The following ARID3A variants were observed in gnomAD, a reference collection of about 807,000 sequenced individuals.
ARID3A encodes AT-rich interaction domain 3A, also known as AT-rich interactive domain-containing protein 3A.
A neutral mutation model predicts 52.7 loss-of-function variants in ARID3A; 11 were observed. The ratio of observed to expected loss-of-function variants is 0.21; its 90% CI spans 0.13 to 0.35. The LOEUF is 0.35. ARID3A is among the 10% of genes least tolerant of loss of function. ARID3A has a pLI of 1.00. For missense variants in ARID3A, 721 were observed against 838.5 expected, an observed-to-expected ratio of 0.86 and a Z score of 1.73; for synonymous variants, 404 against 359.4, an observed-to-expected ratio of 1.12 and a Z score of -1.40.
chr19:929,564 G>A lies in ARID3A; in HGVS notation c.36G>A (p.Gln12=). 1 of 1,522,868 alleles carries A rather than the reference G, an allele frequency of 6.6e-7. No homozygotes were observed. The highest frequency in any genetic ancestry group is 8.8e-7 in the Non-Finnish European group (1 of 1,141,574). The allele number at this position is 1,522,868 out of a possible 1,614,324, so 94.3% of individuals were successfully genotyped here. A position where few individuals can be genotyped will look rare whatever the true frequency, so the allele number is the denominator to read the frequency against. The change falls in exon 2 of 9, where the codon CAG becomes CAA. Residue 12 remains glutamine, a synonymous_variant. Transcript: ENST00000263620. The surrounding 1 kb of genome is among the most constrained non-coding windows in gnomAD (Gnocchi z 6.2). ...KLQAVMETLL[Q]RQQRARQELE... ...AGGCCGTGATGGAGACGCTGTTGCA[G>A]CGGCAGCAGCGGGCGCGCCAGGAGC...
intron 3 of ARID3A, among the ~76,000 whole-genome samples, chr19:943,581 A>G: frequency 6.6e-6 from 1 of 152,080 alleles, no homozygotes; most frequent in East Asian, 1.9e-4. Flanking sequence ...AAAAAAAAGA[A>G]AAGAAAAAAG....
At chr19:958,676 G>A (rs930332576) in intron 3 of ARID3A, among the ~76,000 whole-genome samples, 16 of 151,988 alleles carry the variant, frequency 1.1e-4, no homozygotes, top group Non-Finnish European at 1.8e-4. Context: ...GGCGGATCAC[G>A]AGGTCAGGAG....
intron 3 of ARID3A, among the ~76,000 whole-genome samples, chr19:948,994 G>A (rs2037746199): frequency 6.6e-6 from 1 of 152,070 alleles, no homozygotes; most frequent in African/African-American, 2.4e-5. Flanking sequence ...TGGGATTACA[G>A]GCATGAGCCA....
At chr19:927,875 C>T (rs1033487392) in intron 1 of ARID3A, among the ~76,000 whole-genome samples, 11 of 152,040 alleles carry the variant, frequency 7.2e-5, no homozygotes, top group African/African-American at 2.7e-4. Context: ...TCCTCGCTTT[C>T]TCCCAGGGGC....
chr19:967,657 A>G (rs1030581709), intron 7 of ARID3A, among the ~76,000 whole-genome samples: 2 of 152,192 alleles, frequency 1.3e-5, no homozygotes, highest in Non-Finnish European at 2.9e-5. Flanking sequence ...GACAGCATGA[A>G]TGTGACAGAC....
At chr19:951,499 T>G (rs1276508092) in intron 3 of ARID3A, among the ~76,000 whole-genome samples, 2 of 151,936 alleles carry the variant, frequency 1.3e-5, no homozygotes, top group African/African-American at 4.8e-5. Flanking sequence ...TGCAGTGAGC[T>G]ATGACTGCAT....
intron 3 of ARID3A, among the ~76,000 whole-genome samples, chr19:948,847 C>T (rs35103624): frequency 0.26 from 39,891 of 151,500 alleles, 6,304 homozygotes; most frequent in East Asian, 0.49. Context: ...GTAGCTGGGA[C>T]TACAGGCGTG....
chr19:973,384 G>A lies in ARID3A; in HGVS notation c.*1319G>A, dbSNP rs1454675383. The A allele has an allele frequency of 5.4e-6, 1 of 186,026 alleles. No individual in the cohort carries two copies. Among genetic ancestry groups the A allele is most frequent in the Non-Finnish European group, 1.1e-5 (1 of 88,044 alleles). 11.5% of individuals were successfully genotyped at this position (186,026 alleles called of 1,614,324 possible). On this transcript the variant is annotated 3_prime_UTR_variant, in exon 9 of 9. Transcript: ENST00000263620. ...CCGCCTTGGCCTCCCAAAGTGCTGG[G>A]ATTACAGGCATGAGCCGCCACGCTG... is the stretch of plus-strand genomic sequence containing the variant.
At chr19:926,197 G>A (rs1386331838) in intron 1 of ARID3A, 138 bp downstream of exon 1, 4 of 151,096 alleles carry the variant, frequency 2.6e-5, no homozygotes, top group Admixed American at 1.3e-4. Flanking sequence ...CGCCCTGCGC[G>A]GTAAGGCTGG....
At chr19:930,001 T>G in intron 2 of ARID3A, 105 bp downstream of exon 2, 7 of 1,442,570 alleles carry the variant, frequency 4.9e-6, no homozygotes, top group Non-Finnish European at 6.5e-6. Context: ...CGGGATCTCC[T>G]TCCTGTAATT....
At chr19:927,600 G>A (rs1202142198) in intron 1 of ARID3A, among the ~76,000 whole-genome samples, 2 of 149,994 alleles carry the variant, frequency 1.3e-5, no homozygotes, top group Non-Finnish European at 3.0e-5. Flanking sequence ...CGTGGGGGGG[G>A]CCTTGTCTTG....
Position 954,886 on chromosome 19 carries a change from C to T in ARID3A, c.694-5206C>T, listed in dbSNP as rs534804587. Among the ~76,000 whole-genome samples, 6 of 152,282 alleles carry T rather than the reference C, an allele frequency of 3.9e-5. No homozygotes were observed. In the East Asian group the frequency reaches 7.7e-4, roughly 20 times the overall value. On this transcript the variant is annotated intron_variant, in intron 3 of 8. Coordinates refer to ENST00000263620, the MANE Select transcript of ARID3A (RefSeq NM_005224.3). Reference sequence around the variant, plus strand: ...TCAGAACTTCACACCCGACCCCTCCCGTGATCAGAGCAGGCCCCAGGGAGG... The same window carrying T: ...TCAGAACTTCACACCCGACCCCTCCTGTGATCAGAGCAGGCCCCAGGGAGG...
At chr19:955,736 G>A (rs1421123410) in intron 3 of ARID3A, among the ~76,000 whole-genome samples, 7 of 152,190 alleles carry the variant, frequency 4.6e-5, no homozygotes, top group Admixed American at 2.6e-4. Context: ...GGTAGACCCC[G>A]TAATACCGGG....
intron 3 of ARID3A, among the ~76,000 whole-genome samples, chr19:934,521 C>T (rs2037399838): frequency 6.6e-6 from 1 of 152,174 alleles, no homozygotes; most frequent in Admixed American, 6.5e-5. Flanking sequence ...GAAACTGAGG[C>T]CAGTGCAGGG....
Position 944,939 on chromosome 19 carries a change from C to T in ARID3A, c.693+12197C>T, listed in dbSNP as rs2037645532. 6.6e-6 allele frequency among the ~76,000 whole-genome samples: 1 copy of T among 152,172 alleles called. No individual in the cohort carries two copies. The highest frequency in any genetic ancestry group is 1.5e-5 in the Non-Finnish European group (1 of 68,028). On this transcript the variant is annotated intron_variant, in intron 3 of 8. Transcript: ENST00000263620. This position sits in a 1 kb window ranked among gnomAD's most constrained non-coding sequence, Gnocchi z 5.9. ...TCCTCTCCCCTCTCCCTGTCTCTGCCACCCGCCCCGTCCCTTCCACCACGT... is the reference window on the plus strand; with the variant it reads ...TCCTCTCCCCTCTCCCTGTCTCTGCTACCCGCCCCGTCCCTTCCACCACGT...
At chr19:965,278 C>A in intron 6 of ARID3A, 198 bp downstream of exon 6, 1 of 626,284 alleles carries the variant, frequency 1.6e-6, no homozygotes, top group Non-Finnish European at 2.6e-6. Flanking sequence ...TAATTCCACA[C>A]AGGTGGCAGG....
At position 974,363 on chromosome 19, in the gene ARID3A, G is replaced by T; in HGVS notation, c.*2298G>T. The T allele has an allele frequency of 4.4e-6, 1 of 229,366 alleles. No individual in the cohort carries two copies. Among genetic ancestry groups the T allele is most frequent in the East Asian group, 6.2e-5 (1 of 16,206 alleles). The allele number at this position is 229,366 out of a possible 1,614,324, so 14.2% of individuals were successfully genotyped here. On this transcript the variant is annotated 3_prime_UTR_variant, in exon 9 of 9. Coordinates refer to ENST00000263620, the MANE Select transcript of ARID3A (RefSeq NM_005224.3). ...AGCACCGTAGCAGCACAATCACCCC[G>T]GGAAGGGGGTGTCTGTTTGCCTCCA...
chr19:939,915 A>AC (rs1228219066), intron 3 of ARID3A, among the ~76,000 whole-genome samples: 1 of 151,786 alleles, frequency 6.6e-6, no homozygotes, highest in Non-Finnish European at 1.5e-5. Context: ...TGCCCCGGAG[A>AC]CCCCCAGACT....
chr19:939,950 A>G (rs1430972389), intron 3 of ARID3A, among the ~76,000 whole-genome samples: 1 of 152,072 alleles, frequency 6.6e-6, no homozygotes, highest in African/African-American at 2.4e-5. Context: ...CTGGATGTGA[A>G]GGTAGCACTG....
Sources: allele counts gnomAD v4.1 joint callset (sites outside exome capture counted in the v4.1 genomes callset), GRCh38; gene constraint gnomAD v4.1.1; non-coding constraint Gnocchi (gnomAD v3.1); transcripts MANE v1.5; gene names NCBI Gene and HGNC (gene_info 2026-07-23, HGNC 2026-07-21).